The following SMG6 variants were observed in gnomAD, a reference collection of about 807,000 sequenced individuals.
The protein encoded by SMG6 is SMG6 nonsense mediated mRNA decay factor, also known as telomerase-binding protein EST1A.
Under a neutral mutation model 142.2 loss-of-function variants are expected in SMG6, and 66 were observed. The observed-to-expected ratio is 0.46, with a 90% CI of 0.38 to 0.57. The LOEUF is 0.57. Ranked by LOEUF, SMG6 falls within the 20% of genes least tolerant of loss-of-function variation. The probability of loss-of-function intolerance (pLI) is 0.00; values close to 1 mark genes in which losing one functional copy is unlikely to be tolerated. For missense variants in SMG6, 1,793 were observed against 1,832.0 expected (o/e 0.98, Z 0.39); for synonymous variants, 779 against 702.4 (o/e 1.11, Z -1.72).
chr17:2,280,610 C>T (rs2074764416), intron 8 of SMG6: 1 of 984,692 alleles, frequency 1.0e-6, no homozygotes, highest in Non-Finnish European at 1.2e-6. Flanking sequence ...ATGAAAAGCT[C>T]AAACTCAAAG....
chr17:2,183,817 A>G (rs1374393765), intron 12 of SMG6, among the ~76,000 whole-genome samples: 2 of 152,066 alleles, frequency 1.3e-5, no homozygotes, highest in Admixed American at 6.6e-5. Context: ...AAGCAGAGGC[A>G]AAGAGAAAGA....
chr17:2,209,491 T>C (rs1410788583), intron 10 of SMG6, among the ~76,000 whole-genome samples: 1 of 152,160 alleles, frequency 6.6e-6, no homozygotes, highest in East Asian at 1.9e-4. Context: ...GCCTCCTGAG[T>C]AGCTGGGACT....
At chr17:2,182,083 C>A (rs969105215) in intron 12 of SMG6, among the ~76,000 whole-genome samples, 2 of 152,194 alleles carry the variant, frequency 1.3e-5, no homozygotes, top group African/African-American at 4.8e-5. Context: ...TCTGCCTCCC[C>A]ACCCTGAGAG....
At chr17:2,162,353 A>C (rs1299351892) in intron 13 of SMG6, among the ~76,000 whole-genome samples, 1 of 151,926 alleles carries the variant, frequency 6.6e-6, no homozygotes, top group Non-Finnish European at 1.5e-5. Context: ...TCTACTAAAA[A>C]TATAAAAAAA....
At chr17:2,223,059 C>G (rs933404357) in intron 10 of SMG6, among the ~76,000 whole-genome samples, 5 of 152,194 alleles carry the variant, frequency 3.3e-5, no homozygotes, top group Admixed American at 2.6e-4. Flanking sequence ...GGGCTCATAA[C>G]TACTCTGCAG....
At chr17:2,239,483 GT>G (rs1474264432) in intron 9 of SMG6, among the ~76,000 whole-genome samples, 2 of 152,022 alleles carry the variant, frequency 1.3e-5, no homozygotes, top group African/African-American at 4.8e-5. Context: ...TTGAATACTA[GT>G]TTTTTTAAGT....
At chr17:2,113,688 T>C (rs1331862827) in intron 13 of SMG6, among the ~76,000 whole-genome samples, 1 of 152,218 alleles carries the variant, frequency 6.6e-6, no homozygotes, top group African/African-American at 2.4e-5. Flanking sequence ...CTGGAGATCT[T>C]ATTATTTTCA....
chr17:2,127,932 A>G, intron 13 of SMG6: 1 of 563,292 alleles, frequency 1.8e-6, no homozygotes. Context: ...GGACCAATGC[A>G]GACACAATGA....
At position 2,087,125 on chromosome 17, in the gene SMG6, G is replaced by A. The variant is rs192950212; in HGVS notation, c.3358-1224C>T. ...CAGGTGCAGGTGTTCTCTCTCTCAT[G>A]TGGACAGCAACCCCTCTGGTGGCAA... On this transcript the variant is annotated intron_variant, in intron 13 of 18. Transcript: ENST00000263073. 6 of 1,290,524 alleles carry A rather than the reference G, an allele frequency of 4.6e-6. No individual in the cohort carries two copies. In the East Asian group the frequency reaches 2.8e-4, roughly 60 times the overall value. 79.9% of individuals were successfully genotyped at this position (1,290,524 alleles called of 1,614,324 possible).
At chr17:2,249,652 A>G (rs2074004595) in intron 8 of SMG6, among the ~76,000 whole-genome samples, 1 of 152,100 alleles carries the variant, frequency 6.6e-6, no homozygotes, top group African/African-American at 2.4e-5. Flanking sequence ...CAATACACCT[A>G]GATGGTTCTC....
chr17:2,263,900 G>A (rs1008867607), intron 8 of SMG6, among the ~76,000 whole-genome samples: 9 of 152,136 alleles, frequency 5.9e-5, no homozygotes, highest in Middle Eastern at 3.2e-3. Context: ...GCACCTTTAA[G>A]AGCAAAGAGG....
At chr17:2,200,284 G>T (rs1016836679) in intron 10 of SMG6, among the ~76,000 whole-genome samples, 1 of 151,950 alleles carries the variant, frequency 6.6e-6, no homozygotes, top group African/African-American at 2.4e-5. Flanking sequence ...GGTAAACTTT[G>T]CTGAAAAGTG....
intron 8 of SMG6, among the ~76,000 whole-genome samples, chr17:2,255,320 C>A (rs975711110): frequency 1.4e-5 from 2 of 139,630 alleles, no homozygotes; most frequent in African/African-American, 5.3e-5. Context: ...AGGAGAATGG[C>A]GTGAACCCGG....
At chr17:2,242,003 A>C (rs2073812830) in intron 9 of SMG6, among the ~76,000 whole-genome samples, 1 of 152,188 alleles carries the variant, frequency 6.6e-6, no homozygotes, top group Non-Finnish European at 1.5e-5. Flanking sequence ...AGTGGGAAGA[A>C]GGCAGGGATG....
At chr17:2,148,067 T>C (rs1219811529) in intron 13 of SMG6, among the ~76,000 whole-genome samples, 1 of 152,024 alleles carries the variant, frequency 6.6e-6, no homozygotes, top group Non-Finnish European at 1.5e-5. Context: ...GGTGCGCACC[T>C]GTGGTCCCAG....
intron 10 of SMG6, among the ~76,000 whole-genome samples, chr17:2,196,573 G>T (rs1336208707): frequency 6.6e-6 from 1 of 152,216 alleles, no homozygotes; most frequent in Non-Finnish European, 1.5e-5. Context: ...GTAGACAATA[G>T]ATCTATAGGT....
intron 8 of SMG6, among the ~76,000 whole-genome samples, chr17:2,261,402 T>C (rs548565418): frequency 1.3e-5 from 2 of 152,340 alleles, no homozygotes; most frequent in African/African-American, 4.8e-5. Flanking sequence ...TCACAATTTA[T>C]CACCTGTATG....
At chr17:2,271,116 GT>G (rs542881081) in intron 8 of SMG6, among the ~76,000 whole-genome samples, 27,500 of 132,050 alleles carry the variant, frequency 0.21, 3,018 homozygotes, top group African/African-American at 0.35. Context: ...TTTTTTTCTG[GT>G]TTTTTTTTTT....
chr17:2,129,793 CAA>C (rs57556112), intron 13 of SMG6, among the ~76,000 whole-genome samples: 3 of 56,320 alleles, frequency 5.3e-5, no homozygotes, highest in Non-Finnish European at 9.9e-5. Context: ...GGCTCTGTCT[CAA>C]AAAAAAAAAA....
Sources: allele counts gnomAD v4.1 joint callset (sites outside exome capture counted in the v4.1 genomes callset), GRCh38; gene constraint gnomAD v4.1.1; transcripts MANE v1.5; gene names NCBI Gene and HGNC (gene_info 2026-07-23, HGNC 2026-07-21).